Variants in ABCF2 observed in about 807,000 individuals in gnomAD.
ABCF2 encodes ATP-binding cassette sub-family F member 2.
ABCF2 carries 37 observed loss-of-function variants against 76.9 expected under a neutral mutation model. That is an observed-to-expected ratio of 0.48 (90% confidence interval 0.37 to 0.63). ABCF2 has a LOEUF of 0.63. Ranked by LOEUF, ABCF2 falls within the 30% of genes least tolerant of loss-of-function variation. ABCF2 has a pLI of 0.00. For synonymous variants in ABCF2, 299 were observed against 283.7 expected (o/e 1.05, Z -0.54); for missense variants, 524 against 782.1 (o/e 0.67, Z 3.94).
chr7:151,215,914 A>G lies in ABCF2; in HGVS notation c.1401+53T>C. 6.3e-7 allele frequency: 1 copy of G among 1,598,816 alleles called. No individual in the cohort carries two copies. The highest frequency in any genetic ancestry group is 1.3e-5 in the African/African-American group (1 of 74,652). ...GGCTGGCTGGAACTCAGCCAGATAC[A>G]GCCCCTCCCTATACCCTGGGCAATT... On this transcript the variant is annotated intron_variant, in intron 12 of 14. Coordinates refer to ENST00000287844, the MANE Select transcript of ABCF2 (RefSeq NM_007189.3). This position sits in a 1 kb window ranked among gnomAD's most constrained non-coding sequence, Gnocchi z 4.6.
In ABCF2 at chr7:151,216,037, GA is replaced by G; in HGVS notation, c.1339-9del. 1.2e-6 allele frequency: 2 copies of G among 1,612,958 alleles called. No homozygotes were observed. Among genetic ancestry groups the G allele is most frequent in the Non-Finnish European group, 8.5e-7 (1 of 1,179,200 alleles). Reference sequence around the variant, plus strand: ...GCCATCTGTGGGTAGTAGCTAGGAAGAAAAAAGTAGAAACGTAAGCATGAAA... The same window carrying G: ...GCCATCTGTGGGTAGTAGCTAGGAAGAAAAAGTAGAAACGTAAGCATGAAA... On this transcript the variant is annotated splice_polypyrimidine_tract_variant and intron_variant, in intron 11 of 14. Coordinates refer to ENST00000287844, the MANE Select transcript of ABCF2 (RefSeq NM_007189.3).
rs1455350870 is a variant in ABCF2 at position 151,224,004 on chromosome 7, G to A, written c.478C>T (p.His160Tyr). 6.2e-7 allele frequency: 1 copy of A among 1,614,154 alleles called. No homozygotes were observed. Among genetic ancestry groups the A allele is most frequent in the Admixed American group, 1.7e-5 (1 of 60,020 alleles). The change falls in exon 4 of 15, where the codon CAT (histidine) becomes TAT (tyrosine). Residue 160 changes from histidine to tyrosine, a missense_variant. His to Tyr is a moderately conservative substitution (Grantham distance 83). Around this residue, in one of 2 missense-constraint regions of ABCF2, gnomAD observed 330 missense variants for 433.6 expected, o/e 0.76. Transcript: ENST00000287844. ...TCTGTGTCGACTTCCATCACACAAT[G>A]CAAGGGTGTCTTGTCACTAGGGGGC... ...EMPPSDKTPL[H>Y]CVMEVDTERA...
intron 11 of ABCF2, among the ~76,000 whole-genome samples, chr7:151,217,733 C>A (rs185851566): frequency 9.4e-6 from 1 of 106,494 alleles, no homozygotes; most frequent in Non-Finnish European, 2.0e-5. Context: ...ATGAAGGTTG[C>A]GGTGAGCTGA....
At chr7:151,226,696 C>CATCT in intron 1 of ABCF2, 196 bp from the exon 2 acceptor site, 1 of 450,882 alleles carries the variant, frequency 2.2e-6, no homozygotes, top group African/African-American at 2.0e-5. Context: ...CTAATCTTAA[C>CATCT]ATCTCTTCCC....
chr7:151,222,610 G>A lies in ABCF2; in HGVS notation c.729C>T (p.Leu243=). ...GGAGCAGCATGAAGGGCCGAATAAA[G>A]AGGGCTCTGAAGGACGGTAAAGGAG... ...WRMRVALARA[L]FIRPFMLLLD... The change falls in exon 6 of 15, where the codon CTC becomes CTT. Residue 243 remains leucine (L), a synonymous_variant. Coordinates refer to ENST00000287844, the MANE Select transcript of ABCF2 (RefSeq NM_007189.3). The A allele has an allele frequency of 6.2e-7, 1 of 1,613,570 alleles. No individual in the cohort carries two copies. The highest frequency in any genetic ancestry group is 8.5e-7 in the Non-Finnish European group (1 of 1,179,634).
intron 11 of ABCF2, among the ~76,000 whole-genome samples, chr7:151,216,620 G>A (rs1447240767): frequency 6.6e-6 from 1 of 152,134 alleles, no homozygotes; most frequent in Non-Finnish European, 1.5e-5. Context: ...TCTGTCCCAG[G>A]CTCAAGAGAT....
At chr7:151,216,120 C>T in intron 11 of ABCF2, 91 bp from the exon 12 acceptor site, 1 of 1,068,848 alleles carries the variant, frequency 9.4e-7, no homozygotes, top group Non-Finnish European at 1.4e-6. Context: ...CATGTTCACA[C>T]TGAACAAGAC....
chr7:151,218,249 C>A, intron 10 of ABCF2, 58 bp from the exon 11 acceptor site: 1 of 1,228,814 alleles, frequency 8.1e-7, no homozygotes, highest in Non-Finnish European at 1.2e-6. Flanking sequence ...CTGCTATGAC[C>A]AGCAGACCAA....
At chr7:151,218,480 G>C in intron 10 of ABCF2, 81 bp downstream of exon 10, 1 of 1,278,644 alleles carries the variant, frequency 7.8e-7, no homozygotes, top group Non-Finnish European at 1.1e-6. Context: ...GGTGTGGTCA[G>C]CACAGAACAG....
At position 151,223,774 on chromosome 7, in the gene ABCF2, G is replaced by A. The variant is rs569460685; in HGVS notation, c.626C>T (p.Ser209Leu). The change falls in exon 5 of 15, where the codon TCG becomes TTG. Residue 209 changes from serine to leucine, a missense_variant. Around this residue, in one of 2 missense-constraint regions of ABCF2, gnomAD observed 330 missense variants for 433.6 expected, o/e 0.76. Transcript: ENST00000287844. ...LDADKAEMRA[S>L]RILHGLGFTP... is the part of the protein sequence containing the mutation. Reference sequence around the variant, plus strand: ...GAAACCCAGTCCATGCAAGATCCGCGAGGCCCTCATCTCTGCCTTGTCGGC... The same window carrying A: ...GAAACCCAGTCCATGCAAGATCCGCAAGGCCCTCATCTCTGCCTTGTCGGC... The A allele has an allele frequency of 4.3e-6, 7 of 1,613,916 alleles. No individual in the cohort carries two copies. Among genetic ancestry groups the A allele is most frequent in the Admixed American group, 1.7e-5 (1 of 59,988 alleles).
In ABCF2 at chr7:151,227,160, C is replaced by T. The variant is rs1359093196; in HGVS notation, c.-43+3G>A. On this transcript the variant is annotated splice_donor_region_variant and intron_variant, in intron 1 of 14. Transcript: ENST00000287844. ...CCCTACAGCTCCCCTTCCCCTAACT[C>T]ACTGGGCCTCGCTGCTCGGCCTATG... 6.6e-6 allele frequency: 1 copy of T among 152,378 alleles called. No homozygotes were observed. The highest frequency in any genetic ancestry group is 1.5e-5 in the Non-Finnish European group (1 of 68,186). The allele number at this position is 152,378 out of a possible 1,614,324, so 9.4% of individuals were successfully genotyped here. A position where few individuals can be genotyped will look rare whatever the true frequency, so the allele number is the denominator to read the frequency against.
chr7:151,226,193 T>C, intron 2 of ABCF2, 112 bp downstream of exon 2: 1 of 1,243,882 alleles, frequency 8.0e-7, no homozygotes, highest in Non-Finnish European at 1.1e-6. Context: ...CATGAAAAGT[T>C]GCATGACACC....
rs562864293 is a variant in ABCF2 at position 151,211,865 on chromosome 7, A to G, written c.*2189T>C. On this transcript the variant is annotated 3_prime_UTR_variant, in exon 15 of 15. Coordinates refer to ENST00000287844, the MANE Select transcript of ABCF2 (RefSeq NM_007189.3). ...GGGTCAGAGGACTCCCATCTGTCTC[A>G]GCTGCAGTGTCTCACGGGAGGCTCC... 20 of 985,378 alleles carry G rather than the reference A, an allele frequency of 2.0e-5. No homozygotes were observed. In the South Asian group the frequency reaches 8.9e-4, roughly 44 times the overall value. 61.0% of individuals were successfully genotyped at this position (985,378 alleles called of 1,614,324 possible).
intron 11 of ABCF2, among the ~76,000 whole-genome samples, chr7:151,217,706 T>C (rs1449915001): frequency 1.3e-5 from 2 of 151,602 alleles, no homozygotes; most frequent in South Asian, 2.1e-4. Flanking sequence ...GGCAGGAGAA[T>C]TGCTTGAACT....
At position 151,214,024 on chromosome 7, in the gene ABCF2, G is replaced by C; in HGVS notation, c.*30C>G. 2 of 1,609,908 alleles carry C rather than the reference G, an allele frequency of 1.2e-6. No individual in the cohort carries two copies. The highest frequency in any genetic ancestry group is 1.7e-6 in the Non-Finnish European group (2 of 1,178,542). On this transcript the variant is annotated 3_prime_UTR_variant, in exon 15 of 15. Coordinates refer to ENST00000287844, the MANE Select transcript of ABCF2 (RefSeq NM_007189.3). The surrounding 1 kb of genome is among the most constrained non-coding windows in gnomAD (Gnocchi z 4.9). Reference sequence around the variant, plus strand: ...GTTAGCAGCTGTTAGTTCCCAGATGGAGCTCCTGACCCGAACCCAGGTAGA... The same window carrying C: ...GTTAGCAGCTGTTAGTTCCCAGATGCAGCTCCTGACCCGAACCCAGGTAGA...
chr7:151,213,990 G>A lies in ABCF2; in HGVS notation c.*64C>T. The A allele has an allele frequency of 3.1e-6, 5 of 1,597,662 alleles. No homozygotes were observed. Among genetic ancestry groups the A allele is most frequent in the Non-Finnish European group, 3.4e-6 (4 of 1,173,452 alleles). ...TAGCCCCAGGGTCCTGTCCTGAGCG[G>A]CTGGTCAGGTTAGCAGCTGTTAGTT... On this transcript the variant is annotated 3_prime_UTR_variant, in exon 15 of 15. Transcript: ENST00000287844.
rs1394732504 is a variant in ABCF2, at chr7:151,218,784, T to C, written c.1107A>G (p.Ser369=). ...CGCTCACGACCCTCTCTGTCAGTCC[T>C]GATGCCATCATTTTCTGTAGCGTCT... ...KEKTLQKMMA[S]GLTERVVSDK... The change falls in exon 9 of 15, where the codon TCA becomes TCG. Residue 369 remains serine (S), a synonymous_variant. Coordinates refer to ENST00000287844, the MANE Select transcript of ABCF2 (RefSeq NM_007189.3). 1 of 1,610,204 alleles carries C rather than the reference T, an allele frequency of 6.2e-7. No individual in the cohort carries two copies. Among genetic ancestry groups the C allele is most frequent in the South Asian group, 1.1e-5 (1 of 90,968 alleles).
In ABCF2 at chr7:151,215,022, C is replaced by T; in HGVS notation, c.1591G>A (p.Ala531Thr). ...AAGAGCATGTGGGGGTTCTGCCAGGCCAGCCAGGCCAGACACACTCGGCAC... is the reference window on the plus strand; with the variant it reads ...AAGAGCATGTGGGGGTTCTGCCAGGTCAGCCAGGCCAGACACACTCGGCAC... ...QKCRVCLAWL[A>T]WQNPHMLFLD... Residue 531 changes from alanine to threonine, a missense_variant, in exon 14 of 15, where the codon GCC becomes ACC. Coordinates refer to ENST00000287844, the MANE Select transcript of ABCF2 (RefSeq NM_007189.3). This position sits in a 1 kb window ranked among gnomAD's most constrained non-coding sequence, Gnocchi z 4.6. 6.2e-7 allele frequency: 1 copy of T among 1,614,158 alleles called. No individual in the cohort carries two copies. The highest frequency in any genetic ancestry group is 1.1e-5 in the South Asian group (1 of 91,078).
chr7:151,226,191 G>T, intron 2 of ABCF2, 114 bp downstream of exon 2: 1 of 1,230,968 alleles, frequency 8.1e-7, no homozygotes, highest in Non-Finnish European at 1.1e-6. Context: ...ATCATGAAAA[G>T]TTGCATGACA....
Sources: gnomAD v4.1 joint callset for allele counts (sites outside exome capture counted in the v4.1 genomes callset) on GRCh38, gnomAD v4.1.1 for gene constraint, gnomAD v4.1.1 regional missense constraint, Gnocchi (gnomAD v3.1) non-coding constraint, MANE v1.5 for transcripts, NCBI Gene and HGNC (gene_info 2026-07-23, HGNC 2026-07-21) for gene names.